The following UBE2F variants were observed in gnomAD, a reference collection of about 807,000 sequenced individuals.
UBE2F encodes ubiquitin conjugating enzyme E2 F (putative).
UBE2F carries 5 observed loss-of-function variants against 29.6 expected under a neutral mutation model. The observed-to-expected ratio is 0.17, with a 90% CI of 0.09 to 0.36. The LOEUF (loss-of-function observed/expected upper bound fraction) is 0.36, where lower values mean the gene tolerates loss of function less well. Among genes scored for constraint, UBE2F ranks in the 10% least tolerant of loss-of-function variants. UBE2F has a pLI of 1.00. For missense variants in UBE2F, 141 were observed against 228.5 expected (o/e 0.62, Z 2.47); for synonymous variants, 66 against 81.8 (o/e 0.81, Z 1.04).
chr2:237,994,595 C>A, intron 3 of UBE2F, 149 bp from the exon 4 acceptor site: 1 of 608,998 alleles, frequency 1.6e-6, no homozygotes, highest in Non-Finnish European at 2.9e-6. Context: ...CGATTATTAT[C>A]AGACAAATAG....
intron 4 of UBE2F, among the ~76,000 whole-genome samples, chr2:238,005,606 T>G (rs1399564826): frequency 4.1e-4 from 2 of 4,908 alleles, no homozygotes; most frequent in South Asian, 2.4e-3. Flanking sequence ...AGTTTTCTGG[T>G]TTTTTTTTTC....
At chr2:238,034,143 G>T (rs562085822) in intron 8 of UBE2F, among the ~76,000 whole-genome samples, 1 of 152,096 alleles carries the variant, frequency 6.6e-6, no homozygotes, top group Admixed American at 6.6e-5. Context: ...AAAAATTGTT[G>T]GCTAGGCGCA....
rs1193643998 is a variant in UBE2F, at chr2:237,967,190, C to A, written c.-17+58C>A. On this transcript the variant is annotated intron_variant, in intron 1 of 9. Transcript: ENST00000272930. The surrounding 1 kb of genome is among the most constrained non-coding windows in gnomAD (Gnocchi z 6.3). ...CGAGGTGCGGCCGCCGGTGCACGGGCTGGCCTGCGGGCCGGGCGGAGGGCG... is the reference window on the plus strand; with the variant it reads ...CGAGGTGCGGCCGCCGGTGCACGGGATGGCCTGCGGGCCGGGCGGAGGGCG... The A allele has an allele frequency of 6.5e-6, 7 of 1,084,272 alleles. No individual in the cohort carries two copies. The highest frequency in any genetic ancestry group is 7.9e-6 in the Non-Finnish European group (7 of 891,200). 67.2% of individuals were successfully genotyped at this position (1,084,272 alleles called of 1,614,324 possible).
intron 5 of UBE2F, among the ~76,000 whole-genome samples, chr2:238,020,464 AG>A (rs1559222326): frequency 6.6e-6 from 1 of 152,204 alleles, no homozygotes; most frequent in Non-Finnish European, 1.5e-5. Context: ...GGGGCTTCTC[AG>A]GGTGCATCTG....
At chr2:237,975,231 A>G (rs772561138) in intron 2 of UBE2F, among the ~76,000 whole-genome samples, 72 of 151,758 alleles carry the variant, frequency 4.7e-4, no homozygotes, top group Non-Finnish European at 8.5e-4. Context: ...CCTCCTGAGT[A>G]GTTGGGACTA....
At chr2:237,975,205 G>A (rs1395712046) in intron 2 of UBE2F, among the ~76,000 whole-genome samples, 2 of 151,912 alleles carry the variant, frequency 1.3e-5, no homozygotes, top group African/African-American at 2.4e-5. Context: ...GGGCTCAGGC[G>A]ATCCTGTCAC....
intron 4 of UBE2F, among the ~76,000 whole-genome samples, chr2:237,998,640 G>A (rs1228283189): frequency 1.4e-5 from 2 of 143,814 alleles, no homozygotes; most frequent in African/African-American, 2.6e-5. Context: ...CAAGCTTTTC[G>A]TGTTCATAGT....
At chr2:238,036,049 A>G (rs1028297253) in intron 9 of UBE2F, 109 bp downstream of exon 9, 21 of 982,006 alleles carry the variant, frequency 2.1e-5, no homozygotes, top group South Asian at 2.9e-5. Flanking sequence ...GAGTGGTGGG[A>G]TGCAAGGCTG....
chr2:237,997,346 G>A (rs2063712549), intron 4 of UBE2F, among the ~76,000 whole-genome samples: 1 of 152,188 alleles, frequency 6.6e-6, no homozygotes, highest in African/African-American at 2.4e-5. Flanking sequence ...TGCACAGCAT[G>A]CTTTTTAGAT....
intron 4 of UBE2F, among the ~76,000 whole-genome samples, chr2:238,013,002 G>A (rs547575826): frequency 2.6e-5 from 4 of 152,306 alleles, no homozygotes; most frequent in African/African-American, 7.2e-5. Flanking sequence ...TAGGCCAGGT[G>A]TGGTGGCTCA....
At chr2:237,990,869 G>A (rs900964789) in intron 3 of UBE2F, among the ~76,000 whole-genome samples, 1 of 151,908 alleles carries the variant, frequency 6.6e-6, no homozygotes, top group Non-Finnish European at 1.5e-5. Flanking sequence ...TCCCACCTTG[G>A]CCTCCTAAAG....
At chr2:237,988,015 C>CT (rs1162394429) in intron 3 of UBE2F, 23 bp downstream of exon 3, 2 of 1,456,890 alleles carry the variant, frequency 1.4e-6, no homozygotes, top group African/African-American at 2.9e-5. Flanking sequence ...TCCCCAAACA[C>CT]TAAGTACTGT....
At chr2:237,991,202 G>A (rs930871792) in intron 3 of UBE2F, among the ~76,000 whole-genome samples, 7 of 152,002 alleles carry the variant, frequency 4.6e-5, no homozygotes, top group Non-Finnish European at 8.8e-5. Flanking sequence ...TCTCCTAATC[G>A]AAGAGGGGGA....
intron 6 of UBE2F, chr2:238,028,914 A>T (rs2064500775): frequency 1.7e-5 from 1 of 59,224 alleles, no homozygotes; most frequent in Non-Finnish European, 3.5e-5. Context: ...AAGCTTGGCA[A>T]TAAATTATAC....
intron 2 of UBE2F, chr2:237,986,160 A>C (rs1348264872): frequency 3.7e-6 from 1 of 273,430 alleles, no homozygotes; most frequent in South Asian, 2.2e-5. Context: ...TTTTTTTTTG[A>C]GACGGGGTCT....
rs1287184613 is a variant in UBE2F at position 237,967,916 on chromosome 2, C to A, written c.-17+784C>A. On this transcript the variant is annotated intron_variant, in intron 1 of 9. Transcript: ENST00000272930. This position sits in a 1 kb window ranked among gnomAD's most constrained non-coding sequence, Gnocchi z 6.3. ...GAGAGAATTGGGTCCCCCCACTCTG[C>A]ATTCCCGACCGCCTGGAAGTGGGGG... Among the ~76,000 whole-genome samples, 1 of 152,124 alleles carries A rather than the reference C, an allele frequency of 6.6e-6. No individual in the cohort carries two copies. Among genetic ancestry groups the A allele is most frequent in the African/African-American group, 2.4e-5 (1 of 41,422 alleles).
At position 237,994,110 on chromosome 2, in the gene UBE2F, T is replaced by TTC. The variant is rs1491177929; in HGVS notation, c.149-633_149-632insCT. ...CGCACTCTTCTTCTTCTTCTTCTTCTTTTTTTTTTTTTTTTTTGAGGCAGA... is the reference window on the plus strand; with the variant it reads ...CGCACTCTTCTTCTTCTTCTTCTTCTTCTTTTTTTTTTTTTTTTTGAGGCAGA... On this transcript the variant is annotated intron_variant, in intron 3 of 9. Transcript: ENST00000272930. Among the ~76,000 whole-genome samples the TTC allele has an allele frequency of 8.5e-3, 110 of 12,938 alleles. 1 individual carries two copies. In the East Asian group the frequency reaches 0.18, roughly 21 times the overall value. The allele number at this position is 12,938 out of a possible 152,430, so 8.5% of individuals were successfully genotyped here.
rs1263660987 is a variant in UBE2F at position 238,035,871 on chromosome 2, T to A, written c.445-7T>A. On this transcript the variant is annotated splice_polypyrimidine_tract_variant and splice_region_variant and intron_variant, in intron 8 of 9. Coordinates refer to ENST00000272930, the MANE Select transcript of UBE2F (RefSeq NM_080678.3). ...CAATGTTTACTTTAAGTTTCTCTCTTTTTAAGGATCTTTTGAATTTTGATG... is the reference window on the plus strand; with the variant it reads ...CAATGTTTACTTTAAGTTTCTCTCTATTTAAGGATCTTTTGAATTTTGATG... 11 of 1,610,516 alleles carry A rather than the reference T, an allele frequency of 6.8e-6. No individual in the cohort carries two copies. Among genetic ancestry groups the A allele is most frequent in the Non-Finnish European group, 9.3e-6 (11 of 1,178,470 alleles).
At chr2:237,986,159 G>A in intron 2 of UBE2F, 2 of 151,954 alleles carry the variant, frequency 1.3e-5, no homozygotes, top group Non-Finnish European at 2.4e-5. Flanking sequence ...TTTTTTTTTT[G>A]AGACGGGGTC....
Sources: allele counts gnomAD v4.1 joint callset (sites outside exome capture counted in the v4.1 genomes callset), GRCh38; gene constraint gnomAD v4.1.1; non-coding constraint Gnocchi (gnomAD v3.1); transcripts MANE v1.5; gene names NCBI Gene and HGNC (gene_info 2026-07-23, HGNC 2026-07-21).